Variants in FAM149A observed in about 807,000 individuals in gnomAD.
FAM149A encodes family with sequence similarity 149 member A.
FAM149A carries 71 observed loss-of-function variants against 78.2 expected under a neutral mutation model. The ratio of observed to expected loss-of-function variants is 0.91; its 90% confidence interval spans 0.75 to 1.11. FAM149A has a LOEUF of 1.11. Ranked by LOEUF, FAM149A falls within the 50% of genes least tolerant of loss-of-function variation. The pLI, the probability that FAM149A is intolerant of heterozygous loss-of-function variation, is 0.00. For synonymous variants in FAM149A, 446 were observed against 410.5 expected, an observed-to-expected ratio of 1.09 and a Z score of -1.04; for missense variants, 1,036 against 971.0, an observed-to-expected ratio of 1.07 and a Z score of -0.89.
chr4:186,126,711 G>A (rs941084394), intron 1 of FAM149A, among the ~76,000 whole-genome samples: 2 of 152,058 alleles, frequency 1.3e-5, no homozygotes, highest in Admixed American at 6.6e-5. Flanking sequence ...CTTCACACTC[G>A]GGCTGGATCA....
In FAM149A at chr4:186,125,839, G is replaced by C. The variant is rs975548619; in HGVS notation, c.566+20197G>C. On this transcript the variant is annotated intron_variant, in intron 1 of 13. Transcript: ENST00000389354. ...GGAGGCCAAAAAGAAATACGAGGTAGGGATGAGATGTTGAAGAAGCAACGT... is the reference window on the plus strand; with the variant it reads ...GGAGGCCAAAAAGAAATACGAGGTACGGATGAGATGTTGAAGAAGCAACGT... 6 of 985,326 alleles carry C rather than the reference G, an allele frequency of 6.1e-6. No homozygotes were observed. In the African/African-American group the frequency reaches 8.7e-5, roughly 14 times the overall value. The allele number at this position is 985,326 out of a possible 1,614,324, so 61.0% of individuals were successfully genotyped here.
intron 1 of FAM149A, among the ~76,000 whole-genome samples, chr4:186,136,964 T>TCTCTCTCTCTCTCTCTCTCTCTCTC (rs2099323207): frequency 3.1e-5 from 3 of 97,108 alleles, no homozygotes; most frequent in Admixed American, 1.1e-4. Flanking sequence ...CTCTCTCTCT[T>TCTCTCTCTCTCTCTCTCTCTCTCTC]TCTCTCTCTC....
chr4:186,136,424 A>G (rs906691651), intron 1 of FAM149A, among the ~76,000 whole-genome samples: 3 of 152,346 alleles, frequency 2.0e-5, no homozygotes, highest in Non-Finnish European at 4.4e-5. Context: ...TCTCTGGTTC[A>G]AAGTAGTATA....
At chr4:186,122,812 C>A in intron 1 of FAM149A, 1 of 666,258 alleles carries the variant, frequency 1.5e-6, no homozygotes. Flanking sequence ...AATGATGAAA[C>A]AAAAGATCGT....
chr4:186,169,619 A>G (rs1490395611), intron 13 of FAM149A: 1 of 985,452 alleles, frequency 1.0e-6, no homozygotes. Context: ...CTAATAGGAC[A>G]TTCAGGAATG....
intron 1 of FAM149A, among the ~76,000 whole-genome samples, chr4:186,136,976 T>TTCTCTCTCTCTCTC (rs70964917): frequency 2.4e-4 from 17 of 72,104 alleles, no homozygotes; most frequent in East Asian, 6.4e-4. Flanking sequence ...CTCTCTCTCT[T>TTCTCTCTCTCTCTC]TCTCTCTCTC....
intron 1 of FAM149A, chr4:186,146,380 T>C: frequency 1.3e-6 from 1 of 765,754 alleles, no homozygotes; most frequent in Non-Finnish European, 1.6e-6. Context: ...CATTTCCCCC[T>C]GCCCTGCATC....
rs78124807 is a variant in FAM149A, at chr4:186,139,807, A to G, written c.567-9366A>G. Among the ~76,000 whole-genome samples the G allele has an allele frequency of 6.6e-5, 10 of 152,320 alleles. No homozygotes were observed. In the East Asian group the frequency reaches 1.9e-3, roughly 29 times the overall value. On this transcript the variant is annotated intron_variant, in intron 1 of 13. Transcript: ENST00000389354. ...AGAGAGATGACATAGTTGTATGTAT[A>G]TGTTTGTATTTGCAAAGCAAGGCCA...
At chr4:186,116,846 C>CAAGGGCCATG in intron 1 of FAM149A, 1 of 786,524 alleles carries the variant, frequency 1.3e-6, no homozygotes, top group Non-Finnish European at 1.5e-6. Context: ...CAAGCATGGC[C>CAAGGGCCATG]CTTGTGCCAA....
At chr4:186,121,987 A>C (rs1221504909) in intron 1 of FAM149A, among the ~76,000 whole-genome samples, 2 of 152,288 alleles carry the variant, frequency 1.3e-5, no homozygotes, top group African/African-American at 4.8e-5. Flanking sequence ...CAAGACAGTG[A>C]CTTCCTGGCT....
At position 186,136,964 on chromosome 4, in the gene FAM149A, T is replaced by TCTC. The variant is rs2099323207; in HGVS notation, c.567-12209_567-12208insCTC. Among the ~76,000 whole-genome samples, 36 of 97,082 alleles carry TCTC rather than the reference T, an allele frequency of 3.7e-4. 1 individual carries two copies. The highest frequency in any genetic ancestry group is 9.3e-4 in the African/African-American group (21 of 22,484). 63.7% of individuals were successfully genotyped at this position (97,082 alleles called of 152,430 possible). On this transcript the variant is annotated intron_variant, in intron 1 of 13. Coordinates refer to ENST00000389354, the MANE Select transcript of FAM149A (RefSeq NM_001367768.3). ...TCTCTCTCTCTCTCTCTCTCTCTCT[T>TCTC]TCTCTCTCTCTTTCTCTCTCTCTCT... is the stretch of plus-strand genomic sequence containing the variant.
chr4:186,167,920 AG>A (rs374983286), intron 13 of FAM149A, among the ~76,000 whole-genome samples: 25 of 152,176 alleles, frequency 1.6e-4, no homozygotes, highest in African/African-American at 5.5e-4. Context: ...TATAACAAGC[AG>A]GGTACATAAA....
chr4:186,155,870 GAAC>G (rs1336715393), intron 6 of FAM149A, 127 bp from the exon 7 acceptor site: 1 of 634,300 alleles, frequency 1.6e-6, no homozygotes, highest in African/African-American at 1.9e-5. Context: ...TGTTAAAAAA[GAAC>G]GATGCTGTTT....
intron 8 of FAM149A, among the ~76,000 whole-genome samples, chr4:186,159,914 AAC>A (rs557318081): frequency 0.021 from 3,078 of 149,426 alleles, 139 homozygotes; most frequent in African/African-American, 0.072. Flanking sequence ...CATGTCAAAC[AAC>A]ACACACACAC....
Position 186,162,911 on chromosome 4 carries a change from C to G in FAM149A, c.1642C>G (p.Leu548Val). Reference sequence around the variant, plus strand: ...TGTCATGACAATTCAAGCAAAACCGCTTCAGCGGAGACCTGCCTATTTTGC... The same window carrying G: ...TGTCATGACAATTCAAGCAAAACCGGTTCAGCGGAGACCTGCCTATTTTGC... Residue 548 changes from leucine (L) to valine (V), a missense_variant, in exon 9 of 14, where the codon CTT (leucine) becomes GTT (valine). Physicochemically the swap from Leu to Val is conservative, Grantham distance 32. This residue lies in a region of FAM149A where 716 missense variants were observed against 711.8 expected (regional missense o/e 1.01). Coordinates refer to ENST00000389354, the MANE Select transcript of FAM149A (RefSeq NM_001367768.3). 6.2e-7 allele frequency: 1 copy of G among 1,609,460 alleles called. No homozygotes were observed. The highest frequency in any genetic ancestry group is 8.5e-7 in the Non-Finnish European group (1 of 1,177,950).
intron 7 of FAM149A, among the ~76,000 whole-genome samples, chr4:186,157,116 TA>T (rs1440108641): frequency 1.3e-5 from 2 of 152,006 alleles, no homozygotes; most frequent in African/African-American, 2.4e-5. Context: ...ATCTGTAATG[TA>T]AAATGTAAAC....
intron 8 of FAM149A, chr4:186,158,781 A>G: frequency 5.8e-6 from 6 of 1,028,292 alleles, no homozygotes; most frequent in Non-Finnish European, 7.0e-6. Flanking sequence ...CTGCCAGGCA[A>G]GCCTGTTCTG....
In FAM149A at chr4:186,105,359, C is replaced by G. The variant is rs1475922871; in HGVS notation, c.283C>G (p.Leu95Val). Residue 95 changes from leucine to valine, a missense_variant, in exon 1 of 14, where the codon CTC becomes GTC. By Grantham distance (32) the Leu-to-Val change is conservative. This residue lies in a region of FAM149A where 316 missense variants were observed against 241.9 expected (regional missense o/e 1.31). Transcript: ENST00000389354. ...CGCCGCGGGAGCAGTGGGGACCCTG[C>G]TCTCTTGGCCCAGTAGCCCTAGAGC... 1 of 1,183,620 alleles carries G rather than the reference C, an allele frequency of 8.4e-7. No individual in the cohort carries two copies. The allele number at this position is 1,183,620 out of a possible 1,614,324, so 73.3% of individuals were successfully genotyped here. A position where few individuals can be genotyped will look rare whatever the true frequency, so the allele number is the denominator to read the frequency against.
intron 4 of FAM149A, 123 bp from the exon 5 acceptor site, chr4:186,153,522 A>C (rs1355374384): frequency 6.1e-6 from 9 of 1,480,218 alleles, no homozygotes; most frequent in Non-Finnish European, 8.2e-6. Flanking sequence ...GATGCTTCCC[A>C]CGTTCCCATA....
Sources: gnomAD v4.1 joint callset for allele counts (sites outside exome capture counted in the v4.1 genomes callset) on GRCh38, gnomAD v4.1.1 for gene constraint, gnomAD v4.1.1 regional missense constraint, MANE v1.5 for transcripts, NCBI Gene and HGNC (gene_info 2026-07-23, HGNC 2026-07-21) for gene names.